PCDHA2: variants seen among roughly 807,000 people sequenced by gnomAD.
PCDHA2 encodes protocadherin alpha 2.
In PCDHA2, 58 loss-of-function variants were observed where a neutral mutation model predicts 66.0. That is an observed-to-expected ratio of 0.88 (90% CI 0.71 to 1.09). PCDHA2 has a LOEUF of 1.09. Among genes scored for constraint, PCDHA2 ranks in the 50% least tolerant of loss-of-function variants. The pLI is 0.00. For missense variants in PCDHA2, 1,267 were observed against 1,242.3 expected (o/e 1.02, Z -0.30); for synonymous variants, 634 against 554.0 (o/e 1.14, Z -2.03).
intron 1 of PCDHA2, chr5:140,928,813 C>T: frequency 6.2e-7 from 1 of 1,614,118 alleles, no homozygotes; most frequent in Non-Finnish European, 8.5e-7. Flanking sequence ...GGTTCGGGAC[C>T]ATGGAGACCC....
chr5:140,927,176 TGACCTAC>T (rs1285493810), intron 1 of PCDHA2: 5 of 1,614,156 alleles, frequency 3.1e-6, no homozygotes, highest in Non-Finnish European at 4.2e-6. Flanking sequence ...GCCTGCGTCT[TGACCTAC>T]GACCTGGTGC....
At chr5:140,895,340 A>G (rs964651163) in intron 1 of PCDHA2, among the ~76,000 whole-genome samples, 1 of 151,822 alleles carries the variant, frequency 6.6e-6, no homozygotes, top group African/African-American at 2.4e-5. Context: ...TTGTTTTACT[A>G]TGCTTTCCAG....
chr5:140,823,495 G>T (rs1004067167), intron 1 of PCDHA2: 2 of 1,613,220 alleles, frequency 1.2e-6, no homozygotes, highest in Non-Finnish European at 1.7e-6. Context: ...TGGCACCGGC[G>T]GCGCAGTGAG....
chr5:140,870,302 T>A (rs782099481), intron 1 of PCDHA2: 9 of 1,614,020 alleles, frequency 5.6e-6, no homozygotes, highest in South Asian at 4.4e-5. Flanking sequence ...GTGTCCACCT[T>A]CAAGAATTAC....
chr5:140,797,619 C>G (rs1214077276), intron 1 of PCDHA2: 1 of 488,920 alleles, frequency 2.0e-6, no homozygotes, highest in African/African-American at 2.0e-5. Flanking sequence ...AAAAACACCT[C>G]AGCAAAATTT....
chr5:140,830,775 AT>A (rs1201175908), intron 1 of PCDHA2: 4 of 167,194 alleles, frequency 2.4e-5, no homozygotes, highest in East Asian at 1.6e-4. Context: ...TCATAGTAGC[AT>A]TTTTTTCTGA....
intron 1 of PCDHA2, chr5:140,842,580 C>T (rs1778108515): frequency 1.3e-6 from 2 of 1,517,648 alleles, no homozygotes; most frequent in African/African-American, 2.9e-5. Context: ...AGAGTGTCGG[C>T]CTATGAGTTG....
chr5:140,833,327 C>T (rs1482387019), intron 1 of PCDHA2, among the ~76,000 whole-genome samples: 2 of 152,096 alleles, frequency 1.3e-5, no homozygotes, highest in Non-Finnish European at 2.9e-5. Flanking sequence ...CCATTGGGAA[C>T]ATTGGAGTGA....
chr5:140,868,121 C>T (rs920378220), intron 1 of PCDHA2: 1 of 151,814 alleles, frequency 6.6e-6, no homozygotes, highest in Non-Finnish European at 1.5e-5. Flanking sequence ...AGTTGAAAAG[C>T]CTATTTCTGT....
In PCDHA2 at chr5:140,929,079, T is replaced by G. The variant is rs76301676; in HGVS notation, c.2389-49870T>G. 5,184 of 1,614,178 alleles carry G rather than the reference T, an allele frequency of 3.2e-3. 26 individuals are homozygous for G. Among genetic ancestry groups the G allele is most frequent in the African/African-American group, 0.019 (1,450 of 75,034 alleles). On this transcript the variant is annotated intron_variant, in intron 1 of 3. Transcript: ENST00000526136. ...CTACAGAGGATCTGAGGTATGGAAGTAAGATGGTTTCAAATCCTTGCATGA... is the reference window on the plus strand; with the variant it reads ...CTACAGAGGATCTGAGGTATGGAAGGAAGATGGTTTCAAATCCTTGCATGA...
intron 1 of PCDHA2, chr5:140,804,976 A>C (rs1052174492): frequency 2.9e-5 from 43 of 1,493,470 alleles, no homozygotes; most frequent in Middle Eastern, 2.0e-4. Context: ...TAGTGTGTCC[A>C]TCTCAGGTCA....
At chr5:140,900,373 G>T (rs1225159327) in intron 1 of PCDHA2, among the ~76,000 whole-genome samples, 2 of 152,118 alleles carry the variant, frequency 1.3e-5, no homozygotes, top group Non-Finnish European at 2.9e-5. Flanking sequence ...TGCCTCCTGG[G>T]TTCAAGCGAT....
intron 3 of PCDHA2, among the ~76,000 whole-genome samples, chr5:140,987,959 C>T (rs1222591572): frequency 1.3e-5 from 2 of 152,132 alleles, no homozygotes; most frequent in South Asian, 2.1e-4. Context: ...AAACCAACTC[C>T]CCATGGAAAG....
intron 1 of PCDHA2, chr5:140,882,206 G>C: frequency 6.5e-7 from 1 of 1,531,252 alleles, no homozygotes; most frequent in Non-Finnish European, 8.8e-7. Context: ...TGGGCCTTGA[G>C]AGACAGTTTG....
chr5:140,923,306 C>T (rs572766829), intron 1 of PCDHA2, among the ~76,000 whole-genome samples: 1 of 152,098 alleles, frequency 6.6e-6, no homozygotes, highest in East Asian at 1.9e-4. Flanking sequence ...GGCGTGGGGG[C>T]GCTTGGCCTA....
intron 1 of PCDHA2, chr5:140,927,113 A>G (rs782135853): frequency 1.9e-6 from 3 of 1,613,684 alleles, no homozygotes; most frequent in African/African-American, 1.3e-5. Context: ...CCCAGCGGCA[A>G]TTTGGTGGTC....
intron 1 of PCDHA2, chr5:140,927,555 C>G: frequency 6.2e-7 from 1 of 1,614,176 alleles, no homozygotes. Context: ...AAGTCACCAT[C>G]ATTGTGGTGG....
intron 1 of PCDHA2, among the ~76,000 whole-genome samples, chr5:140,918,678 A>G (rs2078806155): frequency 6.6e-6 from 1 of 152,098 alleles, no homozygotes; most frequent in South Asian, 2.1e-4. Context: ...AAGAGGTGAG[A>G]CCTTTCAAAC....
intron 1 of PCDHA2, chr5:140,848,197 A>G: frequency 3.2e-6 from 1 of 310,898 alleles, no homozygotes; most frequent in Middle Eastern, 9.7e-4. Flanking sequence ...TTCTGTTTCA[A>G]CAATCATTAC....
Sources: allele counts gnomAD v4.1 joint callset (sites outside exome capture counted in the v4.1 genomes callset), GRCh38; gene constraint gnomAD v4.1.1; transcripts MANE v1.5; gene names NCBI Gene and HGNC (gene_info 2026-07-23, HGNC 2026-07-21).